NAALADL2: variants seen among roughly 807,000 people sequenced by gnomAD.
NAALADL2 encodes inactive N-acetylated-alpha-linked acidic dipeptidase-like protein 2.
A neutral mutation model predicts 87.2 loss-of-function variants in NAALADL2; 76 were observed. That is an observed-to-expected ratio of 0.87 (90% CI 0.72 to 1.05). NAALADL2 has a LOEUF of 1.05. NAALADL2 is among the 50% of genes least tolerant of loss of function. The pLI, the probability that NAALADL2 is intolerant of heterozygous loss-of-function variation, is 0.00. For missense variants in NAALADL2, 1,089 were observed against 945.8 expected (o/e 1.15, Z -1.99); for synonymous variants, 354 against 331.0 (o/e 1.07, Z -0.75).
chr3:175,336,728 C>T (rs566826387), intron 5 of NAALADL2, among the ~76,000 whole-genome samples: 7 of 152,244 alleles, frequency 4.6e-5, no homozygotes, highest in East Asian at 1.9e-4. Context: ...TCTGGAAAAT[C>T]AGTGTATCCC....
At chr3:175,504,443 T>C (rs911816677) in intron 9 of NAALADL2, among the ~76,000 whole-genome samples, 2 of 152,138 alleles carry the variant, frequency 1.3e-5, no homozygotes, top group African/African-American at 2.4e-5. Flanking sequence ...TTTCTGGAGA[T>C]AGGGTCTATA....
chr3:174,857,451 T>C (rs903939222), upstream of NAALADL2, among the ~76,000 whole-genome samples: 1 of 152,168 alleles, frequency 6.6e-6, no homozygotes, highest in Non-Finnish European at 1.5e-5. Context: ...ATTTACCACA[T>C]GCTATAATTC....
At chr3:175,247,236 A>G (rs1748155669) in intron 3 of NAALADL2, among the ~76,000 whole-genome samples, 1 of 151,554 alleles carries the variant, frequency 6.6e-6, no homozygotes, top group Non-Finnish European at 1.5e-5. Flanking sequence ...GGAAGAGACA[A>G]TCAACATAAT....
intron 1 of NAALADL2, among the ~76,000 whole-genome samples, chr3:174,470,309 T>C (rs1405724711): frequency 6.6e-6 from 1 of 152,166 alleles, no homozygotes; most frequent in East Asian, 1.9e-4. Flanking sequence ...TTTGAGAAGT[T>C]CCTCTTCACG....
intron 2 of NAALADL2, among the ~76,000 whole-genome samples, chr3:175,193,497 T>C (rs1169310571): frequency 2.6e-5 from 4 of 151,868 alleles, no homozygotes; most frequent in African/African-American, 9.7e-5. Flanking sequence ...CATTTACTCA[T>C]TACATACTGT....
chr3:174,452,172 A>G (rs1264353594), intron 1 of NAALADL2, among the ~76,000 whole-genome samples: 1 of 152,144 alleles, frequency 6.6e-6, no homozygotes, highest in East Asian at 1.9e-4. Flanking sequence ...AAGACAGACT[A>G]ACAGACACCT....
intron 2 of NAALADL2, among the ~76,000 whole-genome samples, chr3:175,168,967 C>T (rs1734388313): frequency 6.6e-6 from 1 of 151,504 alleles, no homozygotes; most frequent in Non-Finnish European, 1.5e-5. Context: ...AGAGGAAGAG[C>T]AAAACAGGAT....
At chr3:175,128,779 T>C (rs1291610114) in intron 2 of NAALADL2, among the ~76,000 whole-genome samples, 2 of 152,138 alleles carry the variant, frequency 1.3e-5, no homozygotes, top group African/African-American at 4.8e-5. Context: ...AGACTGTAAA[T>C]GCCATCAAAT....
At chr3:175,519,743 G>T (rs1207492430) in intron 9 of NAALADL2, among the ~76,000 whole-genome samples, 1 of 151,994 alleles carries the variant, frequency 6.6e-6, no homozygotes, top group Non-Finnish European at 1.5e-5. Context: ...TGCTATAAAA[G>T]AAATTTCCTG....
Position 175,405,350 on chromosome 3 carries a change from G to A in NAALADL2, c.1091-41879G>A, listed in dbSNP as rs1482294327. On this transcript the variant is annotated intron_variant, in intron 5 of 13. Coordinates refer to ENST00000454872, the MANE Select transcript of NAALADL2 (RefSeq NM_207015.3). ...ACATGATTCTAAATTGCCAAAGAAAGTGCCATGTATACTTTAGTAAGCTCA... is the reference window on the plus strand; with the variant it reads ...ACATGATTCTAAATTGCCAAAGAAAATGCCATGTATACTTTAGTAAGCTCA... Among the ~76,000 whole-genome samples, 4 of 152,026 alleles carry A rather than the reference G, an allele frequency of 2.6e-5. No individual in the cohort carries two copies. In the South Asian group the frequency reaches 8.3e-4, roughly 32 times the overall value.
At chr3:175,190,399 G>A (rs2109048998) in intron 2 of NAALADL2, among the ~76,000 whole-genome samples, 1 of 152,144 alleles carries the variant, frequency 6.6e-6, no homozygotes, top group Middle Eastern at 3.4e-3. Flanking sequence ...CAAAGAACAT[G>A]AAAGACAAGG....
At chr3:174,832,820 G>A (rs1203339979) in intron 3 of NAALADL2, among the ~76,000 whole-genome samples, 6 of 152,102 alleles carry the variant, frequency 3.9e-5, no homozygotes, top group Non-Finnish European at 5.9e-5. Flanking sequence ...GAACTAATTT[G>A]TTCAAGGTCA....
chr3:174,554,931 C>G (rs1258023031), intron 2 of NAALADL2, among the ~76,000 whole-genome samples: 1 of 152,190 alleles, frequency 6.6e-6, no homozygotes, highest in East Asian at 1.9e-4. Flanking sequence ...AGTCCCATTT[C>G]TCATAGATGG....
chr3:174,470,280 G>A (rs893480842), intron 1 of NAALADL2, among the ~76,000 whole-genome samples: 4 of 151,978 alleles, frequency 2.6e-5, no homozygotes, highest in African/African-American at 9.7e-5. Context: ...TATGTGTGTT[G>A]GCTATTTCTA....
intron 2 of NAALADL2, among the ~76,000 whole-genome samples, chr3:174,592,910 G>C (rs1303634134): frequency 6.6e-6 from 1 of 151,984 alleles, no homozygotes; most frequent in Non-Finnish European, 1.5e-5. Context: ...AGGTATGTGT[G>C]TGTGTGAGAG....
chr3:174,794,789 G>C (rs1340941868), intron 3 of NAALADL2, among the ~76,000 whole-genome samples: 1 of 151,962 alleles, frequency 6.6e-6, no homozygotes, highest in Non-Finnish European at 1.5e-5. Context: ...CTATAAGTAA[G>C]ATATTGCTGA....
At chr3:175,433,695 T>C (rs1404373233) in intron 5 of NAALADL2, among the ~76,000 whole-genome samples, 2 of 151,288 alleles carry the variant, frequency 1.3e-5, no homozygotes, top group Non-Finnish European at 3.0e-5. Flanking sequence ...ATCCCTAGCC[T>C]TTTTTTTTCT....
At chr3:174,802,066 A>C (rs7609643) in intron 3 of NAALADL2, among the ~76,000 whole-genome samples, 53,350 of 151,804 alleles carry the variant, frequency 0.35, 9,535 homozygotes, top group Admixed American at 0.38. Context: ...CTTTTAAAAA[A>C]CTTTTCTTTC....
rs976465565 is a variant in NAALADL2, at chr3:175,809,984, T to A, written c.*6781T>A. 2.6e-5 allele frequency: 4 copies of A among 151,984 alleles called. No homozygotes were observed. The highest frequency in any genetic ancestry group is 9.7e-5 in the African/African-American group (4 of 41,400). 9.4% of individuals were successfully genotyped at this position (151,984 alleles called of 1,614,324 possible). Reference sequence around the variant, plus strand: ...TTAAAAACACATATCTCTCAAGAGGTGTCCCAATTACTAAATTATGTTGAA... The same window carrying A: ...TTAAAAACACATATCTCTCAAGAGGAGTCCCAATTACTAAATTATGTTGAA... On this transcript the variant is annotated 3_prime_UTR_variant, in exon 14 of 14. Coordinates refer to ENST00000454872, the MANE Select transcript of NAALADL2 (RefSeq NM_207015.3).
Sources: gnomAD v4.1 joint callset for allele counts (sites outside exome capture counted in the v4.1 genomes callset) on GRCh38, gnomAD v4.1.1 for gene constraint, MANE v1.5 for transcripts, NCBI Gene and HGNC (gene_info 2026-07-23, HGNC 2026-07-21) for gene names.